The following IGF1R variants were observed in gnomAD, a reference collection of about 807,000 sequenced individuals.
IGF1R encodes insulin-like growth factor 1 receptor.
IGF1R carries 44 observed loss-of-function variants against 144.6 expected under a neutral mutation model. The observed-to-expected ratio is 0.30, with a 90% CI of 0.24 to 0.39. The LOEUF (loss-of-function observed/expected upper bound fraction) is 0.39. IGF1R is among the 10% of genes least tolerant of loss of function. IGF1R has a pLI of 1.00. For missense variants in IGF1R, 1,355 were observed against 1,833.7 expected (o/e 0.74, Z 4.77); for synonymous variants, 795 against 722.8 (o/e 1.10, Z -1.60).
At chr15:98,691,822 A>G (rs12594040) in intron 1 of IGF1R, among the ~76,000 whole-genome samples, 29,294 of 152,006 alleles carry the variant, frequency 0.19, 3,051 homozygotes, top group Non-Finnish European at 0.22. Flanking sequence ...ACATACATCT[A>G]TTTGCCCCAC....
At chr15:98,663,315 G>C (rs2141180798) in intron 1 of IGF1R, among the ~76,000 whole-genome samples, 1 of 152,322 alleles carries the variant, frequency 6.6e-6, no homozygotes, top group South Asian at 2.1e-4. Context: ...CAGCTCCCGA[G>C]GAGACACCTG....
chr15:98,838,622 G>A (rs565112892), intron 2 of IGF1R, among the ~76,000 whole-genome samples: 3 of 152,176 alleles, frequency 2.0e-5, no homozygotes, highest in East Asian at 1.9e-4. Context: ...GTCAAAGGGC[G>A]TTGGGCCAGG....
intron 2 of IGF1R, among the ~76,000 whole-genome samples, chr15:98,878,307 ACT>A (rs1253606329): frequency 2.0e-5 from 3 of 152,148 alleles, no homozygotes. Context: ...ACCTCACATA[ACT>A]CTGTGTACAG....
intron 2 of IGF1R, among the ~76,000 whole-genome samples, chr15:98,871,979 A>G (rs941234132): frequency 2.6e-5 from 4 of 152,240 alleles, no homozygotes; most frequent in African/African-American, 9.6e-5. Context: ...CCTGTCTAAA[A>G]GGAACTCCTT....
At chr15:98,703,972 C>T (rs1369169542) in intron 1 of IGF1R, among the ~76,000 whole-genome samples, 1 of 152,160 alleles carries the variant, frequency 6.6e-6, no homozygotes, top group Non-Finnish European at 1.5e-5. Context: ...TGACATGACA[C>T]CACAAGTGGA....
At chr15:98,814,075 T>C (rs1239511527) in intron 2 of IGF1R, among the ~76,000 whole-genome samples, 1 of 152,190 alleles carries the variant, frequency 6.6e-6, no homozygotes, top group African/African-American at 2.4e-5. Context: ...TGTGGGATAA[T>C]TGAGGTATGT....
chr15:98,911,496 G>C (rs759673359), intron 7 of IGF1R, 55 bp downstream of exon 7: 68 of 1,611,982 alleles, frequency 4.2e-5, no homozygotes, highest in South Asian at 1.4e-4. Flanking sequence ...GAATGGGAGA[G>C]GCCAGTCTTT....
chr15:98,652,789 A>G (rs1567058420), intron 1 of IGF1R, among the ~76,000 whole-genome samples: 1 of 152,190 alleles, frequency 6.6e-6, no homozygotes, highest in Non-Finnish European at 1.5e-5. Flanking sequence ...GCTGGTGGGC[A>G]CAGGGTTTCT....
chr15:98,775,535 C>A (rs1163790787), intron 2 of IGF1R, among the ~76,000 whole-genome samples: 1 of 152,166 alleles, frequency 6.6e-6, no homozygotes, highest in Admixed American at 6.5e-5. Flanking sequence ...CTGCCACCAC[C>A]ACAGCTATGC....
At chr15:98,804,376 G>A (rs28619529) in intron 2 of IGF1R, among the ~76,000 whole-genome samples, 418 of 152,294 alleles carry the variant, frequency 2.7e-3, no homozygotes, top group African/African-American at 9.6e-3. Flanking sequence ...CAAGTAACCC[G>A]CGTTTGGAGG....
chr15:98,755,206 C>T (rs2055117818), intron 2 of IGF1R, among the ~76,000 whole-genome samples: 1 of 151,814 alleles, frequency 6.6e-6, no homozygotes, highest in Non-Finnish European at 1.5e-5. Flanking sequence ...TCTTTCGTAA[C>T]ATTTTTACTT....
intron 3 of IGF1R, among the ~76,000 whole-genome samples, chr15:98,895,239 C>CAG (rs771102886): frequency 0.082 from 5,432 of 66,602 alleles, 187 homozygotes; most frequent in East Asian, 0.29. Context: ...CACACACACA[C>CAG]ACACACACAC....
intron 1 of IGF1R, among the ~76,000 whole-genome samples, chr15:98,695,941 G>A (rs767207304): frequency 6.6e-6 from 1 of 150,790 alleles, no homozygotes; most frequent in African/African-American, 2.5e-5. Flanking sequence ...ATGTGTGGAG[G>A]CAGAAACCCA....
At chr15:98,764,897 CTCTA>C (rs2055397655) in intron 2 of IGF1R, among the ~76,000 whole-genome samples, 1 of 152,132 alleles carries the variant, frequency 6.6e-6, no homozygotes, top group African/African-American at 2.4e-5. Flanking sequence ...CAATTGCCAT[CTCTA>C]TCTAGTTCCA....
intron 1 of IGF1R, among the ~76,000 whole-genome samples, chr15:98,675,283 C>G (rs994542630): frequency 6.6e-6 from 1 of 152,108 alleles, no homozygotes; most frequent in African/African-American, 2.4e-5. Flanking sequence ...GCCACTGTGC[C>G]TGGCCCATTT....
intron 2 of IGF1R, among the ~76,000 whole-genome samples, chr15:98,767,528 A>C (rs2055464525): frequency 6.6e-6 from 1 of 152,220 alleles, no homozygotes; most frequent in Non-Finnish European, 1.5e-5. Context: ...AGCTTCTTTA[A>C]AAAAATGATG....
chr15:98,776,352 T>G (rs1049419579), intron 2 of IGF1R, among the ~76,000 whole-genome samples: 2 of 152,014 alleles, frequency 1.3e-5, no homozygotes, highest in African/African-American at 4.8e-5. Flanking sequence ...GCCGGGCTAA[T>G]TTTTTGTATT....
chr15:98,910,592 G>C (rs1047689005), intron 6 of IGF1R, among the ~76,000 whole-genome samples: 5 of 152,270 alleles, frequency 3.3e-5, no homozygotes, highest in South Asian at 2.1e-4. Context: ...TCTTTCCCTG[G>C]TCCTTATCGT....
At chr15:98,713,802 C>T (rs1211016957) in intron 2 of IGF1R, among the ~76,000 whole-genome samples, 1 of 152,188 alleles carries the variant, frequency 6.6e-6, no homozygotes, top group Non-Finnish European at 1.5e-5. Context: ...AACCTAAGAC[C>T]TTACTGCAAC....
Sources: gnomAD v4.1 joint callset for allele counts (sites outside exome capture counted in the v4.1 genomes callset) on GRCh38, gnomAD v4.1.1 for gene constraint, MANE v1.5 for transcripts, NCBI Gene and HGNC (gene_info 2026-07-23, HGNC 2026-07-21) for gene names.